The following TTC17 variants were observed in gnomAD, a reference collection of about 807,000 sequenced individuals.
TTC17 encodes the protein tetratricopeptide repeat protein 17.
Under a neutral mutation model 143.8 loss-of-function variants are expected in TTC17, and 58 were observed. That is an observed-to-expected ratio of 0.40 (90% CI 0.33 to 0.50). TTC17 has a LOEUF of 0.50. TTC17 is among the 20% of genes least tolerant of loss of function. The pLI, the probability that TTC17 is intolerant of heterozygous loss-of-function variation, is 0.49. For missense variants in TTC17, 1,273 were observed against 1,392.5 expected (o/e 0.91, Z 1.37); for synonymous variants, 501 against 497.8 (o/e 1.01, Z -0.09).
At chr11:43,420,791 G>C (rs1292486857) in intron 16 of TTC17, among the ~76,000 whole-genome samples, 1 of 151,900 alleles carries the variant, frequency 6.6e-6, no homozygotes, top group African/African-American at 2.4e-5. Context: ...CAAAAAAAAT[G>C]TTTTATTTTA....
rs1947484042 is a variant in TTC17, at chr11:43,444,066, A to G, written c.2522A>G (p.Gln841Arg). ...GTTTCTGTTTCCCAGATTACATTCC[A>G]GGTCAAACGTGTAAAGAAACCCAAA... ...DDEATEWITF[Q>R]VKRVKKPKGD... Residue 841 changes from glutamine to arginine, a missense_variant, in exon 18 of 24, where the codon CAG becomes CGG. Transcript: ENST00000039989. 6.2e-7 allele frequency: 1 copy of G among 1,602,390 alleles called. No homozygotes were observed.
At chr11:43,369,203 G>A (rs1856467628) in intron 1 of TTC17, among the ~76,000 whole-genome samples, 1 of 152,184 alleles carries the variant, frequency 6.6e-6, no homozygotes, top group Non-Finnish European at 1.5e-5. Context: ...TGGACTGGTA[G>A]CACTATTATA....
At chr11:43,438,436 C>T (rs566947752) in intron 16 of TTC17, among the ~76,000 whole-genome samples, 13 of 152,264 alleles carry the variant, frequency 8.5e-5, no homozygotes, top group African/African-American at 2.9e-4. Context: ...TGAGCCACAG[C>T]GCCCGGCTGT....
chr11:43,410,389 G>C (rs148316795), intron 15 of TTC17, among the ~76,000 whole-genome samples: 1 of 152,126 alleles, frequency 6.6e-6, no homozygotes, highest in Non-Finnish European at 1.5e-5. Flanking sequence ...TCAATAAACT[G>C]TTTGTTTTTG....
chr11:43,379,369 C>T (rs1856877947), intron 2 of TTC17, 47 bp downstream of exon 2: 1 of 1,512,302 alleles, frequency 6.6e-7, no homozygotes, highest in South Asian at 1.2e-5. Context: ...TGTTGCATTT[C>T]ACAGGAGCCA....
Position 43,461,133 on chromosome 11 carries a change from C to T in TTC17, c.3030+9868C>T, listed in dbSNP as rs185349162. ...GGCGCGGTGGCTCACGCCTGTAATC[C>T]CAGCACTTTGGGAGGCCGAGGCGGG... On this transcript the variant is annotated intron_variant, in intron 21 of 23. Coordinates refer to ENST00000039989, the MANE Select transcript of TTC17 (RefSeq NM_018259.6). Among the ~76,000 whole-genome samples, 801 of 152,190 alleles carry T rather than the reference C, an allele frequency of 5.3e-3. 8 individuals carry two copies. Among genetic ancestry groups the T allele is most frequent in the African/African-American group, 0.018 (761 of 41,526 alleles).
intron 2 of TTC17, among the ~76,000 whole-genome samples, chr11:43,382,542 A>G (rs1371146827): frequency 6.6e-6 from 1 of 152,234 alleles, no homozygotes; most frequent in Non-Finnish European, 1.5e-5. Context: ...TGGCAAATAT[A>G]TTAAAAACTT....
At position 43,450,223 on chromosome 11, in the gene TTC17, G is replaced by C; in HGVS notation, c.2928G>C (p.Gly976=). 2 of 1,613,820 alleles carry C rather than the reference G, an allele frequency of 1.2e-6. No individual in the cohort carries two copies. Among genetic ancestry groups the C allele is most frequent in the Non-Finnish European group, 1.7e-6 (2 of 1,179,860 alleles). Residue 976 remains glycine (G), a synonymous_variant, in exon 20 of 24, where the codon GGG becomes GGC. Coordinates refer to ENST00000039989, the MANE Select transcript of TTC17 (RefSeq NM_018259.6). ...ACCGAGCCAGCCTGCACTACACAGGGGAGAGTCAGTTAACAGAGGTGAGTG... is the reference window on the plus strand; with the variant it reads ...ACCGAGCCAGCCTGCACTACACAGGCGAGAGTCAGTTAACAGAGGTGAGTG... ...VSNRASLHYT[G]ESQLTEVLQN... is the part of the protein sequence containing the mutation.
intron 16 of TTC17, among the ~76,000 whole-genome samples, chr11:43,431,096 A>T (rs776746109): frequency 6.6e-6 from 1 of 152,186 alleles, no homozygotes; most frequent in African/African-American, 2.4e-5. Context: ...TGCAAAGGTT[A>T]TGAACTCATC....
chr11:43,448,651 C>CAT (rs1947598122), intron 19 of TTC17: 1 of 152,638 alleles, frequency 6.6e-6, no homozygotes, highest in East Asian at 1.9e-4. Context: ...CCCAAAATTC[C>CAT]AATCAACACA....
intron 16 of TTC17, among the ~76,000 whole-genome samples, chr11:43,428,015 G>T: frequency 6.6e-6 from 1 of 152,134 alleles, no homozygotes; most frequent in Non-Finnish European, 1.5e-5. Context: ...TACATAAGTA[G>T]ATACAAATCT....
At chr11:43,453,374 A>AG (rs1947701825) in intron 21 of TTC17, among the ~76,000 whole-genome samples, 1 of 152,142 alleles carries the variant, frequency 6.6e-6, no homozygotes, top group Non-Finnish European at 1.5e-5. Flanking sequence ...CCATCTTGGA[A>AG]GAAAAAAAAA....
intron 16 of TTC17, among the ~76,000 whole-genome samples, chr11:43,418,584 T>G (rs1246831253): frequency 1.3e-5 from 2 of 152,126 alleles, no homozygotes; most frequent in Non-Finnish European, 2.9e-5. Flanking sequence ...TAAAATAGAA[T>G]CTGTTAAATA....
rs1171420420 is a variant in TTC17, at chr11:43,492,155, G to C, written c.3286G>C (p.Val1096Leu). The change falls in exon 23 of 24, where the codon GTG (valine) becomes CTG (leucine). Residue 1096 changes from valine (V) to leucine (L), a missense_variant. Coordinates refer to ENST00000039989, the MANE Select transcript of TTC17 (RefSeq NM_018259.6). Reference protein sequence around the residue: ...VNHFTLGNVYVAMEEFEKALV... With the variant: ...VNHFTLGNVYLAMEEFEKALV... ...CCACTTCACTCTGGGCAATGTCTAC[G>C]TGGCAATGGTGAGATGGGGGTGTGA... The C allele has an allele frequency of 6.2e-7, 1 of 1,613,866 alleles. No individual in the cohort carries two copies. The highest frequency in any genetic ancestry group is 8.5e-7 in the Non-Finnish European group (1 of 1,179,938).
chr11:43,473,963 T>A (rs1334003902), intron 21 of TTC17, among the ~76,000 whole-genome samples: 8 of 152,106 alleles, frequency 5.3e-5, no homozygotes, highest in Non-Finnish European at 1.0e-4. Flanking sequence ...AATTATACAT[T>A]CATTTACCCT....
intron 16 of TTC17, among the ~76,000 whole-genome samples, chr11:43,427,899 A>G (rs995160076): frequency 6.6e-6 from 1 of 152,182 alleles, no homozygotes; most frequent in African/African-American, 2.4e-5. Flanking sequence ...ATGATATTTC[A>G]AGTCTGAACT....
At chr11:43,466,798 TG>T in intron 21 of TTC17, 1 of 312,678 alleles carries the variant, frequency 3.2e-6, no homozygotes, top group South Asian at 3.3e-5. Flanking sequence ...ATGAATATTG[TG>T]GAAGCCATGG....
At chr11:43,477,428 A>G (rs1056471155) in intron 21 of TTC17, among the ~76,000 whole-genome samples, 1 of 152,234 alleles carries the variant, frequency 6.6e-6, no homozygotes, top group African/African-American at 2.4e-5. Context: ...ACTGATAAAG[A>G]CATACCCAAA....
At chr11:43,425,775 G>C (rs139870005) in intron 16 of TTC17, among the ~76,000 whole-genome samples, 190 of 152,276 alleles carry the variant, frequency 1.2e-3, no homozygotes, top group African/African-American at 4.5e-3. Context: ...TCAGTAATCT[G>C]TTACTAACCA....
Sources: gnomAD v4.1 joint callset for allele counts (sites outside exome capture counted in the v4.1 genomes callset) on GRCh38, gnomAD v4.1.1 for gene constraint, MANE v1.5 for transcripts, NCBI Gene and HGNC (gene_info 2026-07-23, HGNC 2026-07-21) for gene names.